ZFHX3: variants seen among roughly 807,000 people sequenced by gnomAD.
The protein encoded by ZFHX3 is zinc finger homeobox protein 3.
ZFHX3 carries 42 observed loss-of-function variants against 279.1 expected under a neutral mutation model. That is an observed-to-expected ratio of 0.15 (90% confidence interval 0.12 to 0.19). The LOEUF is 0.19. ZFHX3 is among the 10% of genes least tolerant of loss of function. The pLI, the probability that ZFHX3 is intolerant of heterozygous loss-of-function variation, is 1.00. For missense variants in ZFHX3, 4,981 were observed against 4,754.0 expected, an observed-to-expected ratio of 1.05 and a Z score of -1.40; for synonymous variants, 2,293 against 1,957.8, an observed-to-expected ratio of 1.17 and a Z score of -4.52.
chr16:73,449,987 C>A (rs1204276981), intron 3 of ZFHX3, among the ~76,000 whole-genome samples: 2 of 152,070 alleles, frequency 1.3e-5, no homozygotes, highest in African/African-American at 4.8e-5. Flanking sequence ...TGCAATACTT[C>A]TGATATTTGT....
At chr16:73,174,256 T>G (rs1967607645) in intron 5 of ZFHX3, among the ~76,000 whole-genome samples, 1 of 146,428 alleles carries the variant, frequency 6.8e-6, no homozygotes, top group African/African-American at 2.6e-5. Context: ...GTGGTGTGTG[T>G]GTTCACACAA....
At chr16:72,974,216 C>T (rs1053168410) in intron 1 of ZFHX3, among the ~76,000 whole-genome samples, 6 of 152,178 alleles carry the variant, frequency 3.9e-5, no homozygotes, top group Admixed American at 2.0e-4. Context: ...AAATGAAGAA[C>T]ATGGTACAGC....
At chr16:73,237,054 C>T (rs914662290) in intron 5 of ZFHX3, among the ~76,000 whole-genome samples, 3 of 152,130 alleles carry the variant, frequency 2.0e-5, no homozygotes, top group East Asian at 1.9e-4. Flanking sequence ...CCAGTGATAT[C>T]GGCGAGACAG....
intron 2 of ZFHX3, among the ~76,000 whole-genome samples, chr16:73,534,856 A>G (rs1172751266): frequency 6.6e-6 from 1 of 152,178 alleles, no homozygotes; most frequent in East Asian, 1.9e-4. Context: ...GGAAACCTTT[A>G]GATTTTGGTG....
chr16:73,676,666 G>C (rs984568806), intron 2 of ZFHX3, among the ~76,000 whole-genome samples: 6 of 151,852 alleles, frequency 4.0e-5, no homozygotes, highest in Non-Finnish European at 1.5e-5. Context: ...CCTGTGAGAA[G>C]ACAAAGACTA....
chr16:73,265,894 G>A (rs2013959822), intron 4 of ZFHX3, among the ~76,000 whole-genome samples: 1 of 152,198 alleles, frequency 6.6e-6, no homozygotes, highest in African/African-American at 2.4e-5. Context: ...CATTCCCAAG[G>A]AGAATAAGGA....
chr16:73,523,583 C>A (rs1188209450), intron 2 of ZFHX3, among the ~76,000 whole-genome samples: 3 of 150,586 alleles, frequency 2.0e-5, no homozygotes, highest in Non-Finnish European at 4.4e-5. Context: ...CTGCAATTTA[C>A]ACAGTGCTGG....
At chr16:73,036,122 G>A (rs1425324766) in intron 1 of ZFHX3, among the ~76,000 whole-genome samples, 7 of 152,260 alleles carry the variant, frequency 4.6e-5, no homozygotes, top group Admixed American at 2.0e-4. Context: ...ACACGCGTGC[G>A]CGCGCATAGA....
rs74030045 is a variant in ZFHX3 at position 73,302,902 on chromosome 16, G to A, written c.-1194+15338C>T. The stretch of plus-strand genomic sequence containing the variant: ...CAATGCCTTGGACTATTTGCTTTGA[G>A]CAGGTGGCATTAAACTGTGGCAGGT... On this transcript the variant is annotated intron_variant, in intron 4 of 17. Coordinates refer to the ZFHX3 transcript ENST00000641206. Among the ~76,000 whole-genome samples the A allele has an allele frequency of 5.8e-3, 891 of 152,312 alleles. 10 individuals carry two copies. The highest frequency in any genetic ancestry group is 0.02 in the African/African-American group (834 of 41,568).
At chr16:72,935,408 C>T (rs1960064768) in intron 3 of ZFHX3, among the ~76,000 whole-genome samples, 1 of 152,206 alleles carries the variant, frequency 6.6e-6, no homozygotes, top group African/African-American at 2.4e-5. Context: ...GAGGAGGCGA[C>T]TCGGGGCTGC....
chr16:73,845,939 G>C (rs916164486), intron 1 of ZFHX3, among the ~76,000 whole-genome samples: 2 of 152,132 alleles, frequency 1.3e-5, no homozygotes, highest in Non-Finnish European at 2.9e-5. Context: ...TCAGCCTCCT[G>C]AGTAGCTGAA....
At chr16:73,884,177 T>C (rs9940311) in intron 1 of ZFHX3, among the ~76,000 whole-genome samples, 115,651 of 152,048 alleles carry the variant, frequency 0.76, 44,158 homozygotes, top group Admixed American at 0.81. Context: ...TTTTTCTCAT[T>C]GTGTATCAGG....
At chr16:73,582,068 T>G (rs1055346896) in intron 2 of ZFHX3, among the ~76,000 whole-genome samples, 7 of 151,882 alleles carry the variant, frequency 4.6e-5, no homozygotes, top group Non-Finnish European at 7.3e-5. Flanking sequence ...CATTACTGTT[T>G]TTCAAAAGCA....
intron 7 of ZFHX3, among the ~76,000 whole-genome samples, chr16:73,102,181 T>C (rs1447676981): frequency 6.6e-6 from 1 of 152,152 alleles, no homozygotes; most frequent in Non-Finnish European, 1.5e-5. Context: ...CCCAAAGTGC[T>C]GGGATTACAG....
chr16:73,357,791 C>T (rs1159123200), intron 3 of ZFHX3, among the ~76,000 whole-genome samples: 1 of 152,180 alleles, frequency 6.6e-6, no homozygotes, highest in African/African-American at 2.4e-5. Context: ...TGTCAGACTC[C>T]TCACATTCCT....
At chr16:73,867,386 G>A (rs1316057621) in intron 1 of ZFHX3, among the ~76,000 whole-genome samples, 3 of 152,062 alleles carry the variant, frequency 2.0e-5, no homozygotes, top group Non-Finnish European at 2.9e-5. Context: ...TAGACATCAC[G>A]TAGCTTAGTA....
Position 72,794,685 on chromosome 16 carries a change from G to C in ZFHX3, c.7997C>G (p.Pro2666Arg). Residue 2666 changes from proline to arginine, a missense_variant, in exon 9 of 10, where the codon CCG becomes CGG. Transcript: ENST00000268489. This position sits in a 1 kb window ranked among gnomAD's most constrained non-coding sequence, Gnocchi z 4.2. ...LYQKYLLDSNPTRKMLDHIAH... is the reference protein window; with the variant it reads ...LYQKYLLDSNRTRKMLDHIAH... ...AATGTGATCCAACATCTTTCGAGTCGGATTGGAATCCAGTAGATACTTCTG... is the reference window on the plus strand; with the variant it reads ...AATGTGATCCAACATCTTTCGAGTCCGATTGGAATCCAGTAGATACTTCTG... The C allele has an allele frequency of 6.2e-7, 1 of 1,614,192 alleles. No homozygotes were observed.
chr16:72,998,931 T>C (rs185517147), intron 1 of ZFHX3, among the ~76,000 whole-genome samples: 56 of 152,324 alleles, frequency 3.7e-4, no homozygotes, highest in African/African-American at 1.2e-3. Flanking sequence ...GGTTTCTTAA[T>C]TTAAAATCCT....
intron 1 of ZFHX3, among the ~76,000 whole-genome samples, chr16:73,880,653 A>C (rs2030115732): frequency 6.6e-6 from 1 of 152,092 alleles, no homozygotes; most frequent in Non-Finnish European, 1.5e-5. Context: ...TAAGAGTAAA[A>C]TCTCTCAAGT....
Sources: gnomAD v4.1 joint callset for allele counts (sites outside exome capture counted in the v4.1 genomes callset) on GRCh38, gnomAD v4.1.1 for gene constraint, Gnocchi (gnomAD v3.1) non-coding constraint, MANE v1.5 for transcripts, NCBI Gene and HGNC (gene_info 2026-07-23, HGNC 2026-07-21) for gene names.